The following EPC2 variants were observed in gnomAD, a reference collection of about 807,000 sequenced individuals.
EPC2 encodes enhancer of polycomb 2, also known as enhancer of polycomb homolog 2.
Under a neutral mutation model 92.1 loss-of-function variants are expected in EPC2, and 14 were observed. The observed-to-expected ratio is 0.15, with a 90% CI of 0.10 to 0.24. EPC2 has a LOEUF of 0.24. Among genes scored for constraint, EPC2 ranks in the 10% least tolerant of loss-of-function variants. The probability of loss-of-function intolerance (pLI) is 1.00; values close to 1 mark genes in which losing one functional copy is unlikely to be tolerated. For synonymous variants in EPC2, 340 were observed against 334.7 expected, an observed-to-expected ratio of 1.02 and a Z score of -0.17; for missense variants, 755 against 971.5, an observed-to-expected ratio of 0.78 and a Z score of 2.96.
intron 1 of EPC2, among the ~76,000 whole-genome samples, chr2:148,660,533 A>C (rs746047747): frequency 6.6e-6 from 1 of 150,610 alleles, no homozygotes; most frequent in Non-Finnish European, 1.5e-5. Flanking sequence ...ACTGTAATCT[A>C]TTCAGTTCCA....
intron 2 of EPC2, among the ~76,000 whole-genome samples, chr2:148,739,682 T>A (rs1682836505): frequency 6.6e-6 from 1 of 152,082 alleles, no homozygotes; most frequent in Admixed American, 6.6e-5. Flanking sequence ...GCAACCAAAT[T>A]TTCCTGAGCA....
At chr2:148,712,802 G>A (rs1682176041) in intron 2 of EPC2, among the ~76,000 whole-genome samples, 1 of 152,122 alleles carries the variant, frequency 6.6e-6, no homozygotes. Context: ...AGGATTACTT[G>A]AGATTAGGAG....
Position 148,658,342 on chromosome 2 carries a change from C to A in EPC2, c.153+13172C>A, listed in dbSNP as rs567504585. 2.5e-4 allele frequency among the ~76,000 whole-genome samples: 38 copies of A among 152,046 alleles called. 1 individual carries two copies. The South Asian group carries it at 6.4e-3, about 26-fold the overall frequency. ...CACCTTTAGACAGTGAAATTACCCA[C>A]AAAAGGCATAAAAATGTGAAAAACA... is the stretch of plus-strand genomic sequence containing the variant. On this transcript the variant is annotated intron_variant, in intron 1 of 13. Transcript: ENST00000258484.
chr2:148,732,118 C>G (rs1194501991), intron 2 of EPC2, among the ~76,000 whole-genome samples: 1 of 152,156 alleles, frequency 6.6e-6, no homozygotes, highest in African/African-American at 2.4e-5. Context: ...TTTTTCCTCA[C>G]CAAGGGGAGC....
intron 6 of EPC2, among the ~76,000 whole-genome samples, chr2:148,764,260 G>A (rs1463867471): frequency 2.6e-5 from 4 of 152,160 alleles, no homozygotes; most frequent in South Asian, 2.1e-4. Flanking sequence ...AGTCTTTTCC[G>A]ACTTTTAAAG....
chr2:148,649,415 A>T (rs1680616587), intron 1 of EPC2, among the ~76,000 whole-genome samples: 1 of 152,228 alleles, frequency 6.6e-6, no homozygotes, highest in African/African-American at 2.4e-5. Flanking sequence ...TGCCTTTTCT[A>T]CAATTTCATA....
chr2:148,672,785 T>C (rs1024876999), intron 1 of EPC2, among the ~76,000 whole-genome samples: 5 of 152,162 alleles, frequency 3.3e-5, no homozygotes, highest in African/African-American at 1.2e-4. Context: ...TACTTTTACC[T>C]AAGTTTTATA....
rs1158392919 is a variant in EPC2, at chr2:148,787,234, T to G, written c.*857T>G. On this transcript the variant is annotated 3_prime_UTR_variant, in exon 14 of 14. Transcript: ENST00000258484. ...AAAAGATACTTTACCAGGTATGTAT[T>G]GCATTATATCATTGCAATAATTATT... 6.6e-6 allele frequency: 1 copy of G among 152,110 alleles called. No individual in the cohort carries two copies. Among genetic ancestry groups the G allele is most frequent in the East Asian group, 1.9e-4 (1 of 5,148 alleles). 9.4% of individuals were successfully genotyped at this position (152,110 alleles called of 1,614,324 possible). A position where few individuals can be genotyped will look rare whatever the true frequency, so the allele number is the denominator to read the frequency against.
intron 3 of EPC2, among the ~76,000 whole-genome samples, chr2:148,747,587 C>A (rs1348854): frequency 6.6e-6 from 1 of 151,970 alleles, no homozygotes. Context: ...TACCTTTTAC[C>A]CACATCACAA....
chr2:148,725,934 CTT>C, intron 2 of EPC2, among the ~76,000 whole-genome samples: 1 of 152,196 alleles, frequency 6.6e-6, no homozygotes, highest in Non-Finnish European at 1.5e-5. Context: ...TTTTGTAAAA[CTT>C]AAACTATGTA....
intron 10 of EPC2, among the ~76,000 whole-genome samples, chr2:148,774,870 G>C (rs889164264): frequency 6.6e-6 from 1 of 151,254 alleles, no homozygotes; most frequent in African/African-American, 2.4e-5. Flanking sequence ...GGCGGATCAC[G>C]AGGTCAGGAG....
At chr2:148,712,347 A>T (rs964706788) in intron 2 of EPC2, among the ~76,000 whole-genome samples, 3 of 152,088 alleles carry the variant, frequency 2.0e-5, no homozygotes, top group African/African-American at 7.2e-5. Flanking sequence ...AGGTTGTACA[A>T]GTACTTTATA....
intron 2 of EPC2, chr2:148,692,549 G>A (rs1010980491): frequency 1.3e-5 from 2 of 152,112 alleles, no homozygotes; most frequent in African/African-American, 2.4e-5. Flanking sequence ...ACACACATGC[G>A]AAAATTATTT....
intron 1 of EPC2, among the ~76,000 whole-genome samples, chr2:148,682,551 T>C (rs1681420532): frequency 6.6e-6 from 1 of 152,214 alleles, no homozygotes; most frequent in Non-Finnish European, 1.5e-5. Context: ...CATAATCTTA[T>C]TATTGTATAG....
chr2:148,720,133 A>G (rs1682339982), intron 2 of EPC2, among the ~76,000 whole-genome samples: 1 of 151,728 alleles, frequency 6.6e-6, no homozygotes, highest in South Asian at 2.1e-4. Context: ...CTGTCAGGCC[A>G]TGGCTGGAGG....
chr2:148,645,275 G>A, intron 1 of EPC2, 105 bp downstream of exon 1: 1 of 1,045,014 alleles, frequency 9.6e-7, no homozygotes, highest in Non-Finnish European at 1.4e-6. Context: ...GGAGGGCGCC[G>A]CTGCCGCTCT....
chr2:148,723,921 A>T (rs1041835077), intron 2 of EPC2, among the ~76,000 whole-genome samples: 2 of 152,096 alleles, frequency 1.3e-5, no homozygotes, highest in East Asian at 1.9e-4. Context: ...TAAAAACTTT[A>T]AAAATCTCTT....
intron 1 of EPC2, among the ~76,000 whole-genome samples, chr2:148,688,301 A>G (rs1370967116): frequency 6.6e-6 from 1 of 152,198 alleles, no homozygotes; most frequent in Non-Finnish European, 1.5e-5. Context: ...TCAGCAAACT[A>G]TTGCAAGGGC....
intron 2 of EPC2, among the ~76,000 whole-genome samples, chr2:148,697,625 T>C (rs1681777656): frequency 6.6e-6 from 1 of 152,196 alleles, no homozygotes; most frequent in African/African-American, 2.4e-5. Flanking sequence ...AAAGGGCCTT[T>C]TGAGTTTTAT....
Sources: allele counts gnomAD v4.1 joint callset (sites outside exome capture counted in the v4.1 genomes callset), GRCh38; gene constraint gnomAD v4.1.1; transcripts MANE v1.5; gene names NCBI Gene and HGNC (gene_info 2026-07-23, HGNC 2026-07-21).